Variants in XXYLT1 observed in about 807,000 individuals in gnomAD.
XXYLT1 encodes UDP-xylose:alpha-xyloside alpha-1,3-xylosyltransferase.
In XXYLT1, 20 loss-of-function variants were observed where a neutral mutation model predicts 28.9. The ratio of observed to expected loss-of-function variants is 0.69; its 90% confidence interval spans 0.49 to 1.00. The LOEUF (loss-of-function observed/expected upper bound fraction) is 1.00, where lower values mean the gene tolerates loss of function less well. Among genes scored for constraint, XXYLT1 ranks in the 50% least tolerant of loss-of-function variants. The pLI, the probability that XXYLT1 is intolerant of heterozygous loss-of-function variation, is 0.00. For missense variants in XXYLT1, 542 were observed against 560.1 expected, an observed-to-expected ratio of 0.97 and a Z score of 0.33; for synonymous variants, 257 against 253.8, an observed-to-expected ratio of 1.01 and a Z score of -0.12.
At chr3:195,075,174 C>T (rs952835846) in intron 3 of XXYLT1, among the ~76,000 whole-genome samples, 2 of 152,244 alleles carry the variant, frequency 1.3e-5, no homozygotes, top group African/African-American at 2.4e-5. Flanking sequence ...ATCGTTTGAA[C>T]CCGGGAGGCA....
chr3:195,162,096 CAAAAA>C (rs34348051), intron 2 of XXYLT1, among the ~76,000 whole-genome samples: 93 of 95,104 alleles, frequency 9.8e-4, no homozygotes, highest in African/African-American at 3.2e-3. Context: ...GGCCCTGTTT[CAAAAA>C]AAAAAAAAAA....
At chr3:195,227,267 A>C (rs891622418) in intron 1 of XXYLT1, among the ~76,000 whole-genome samples, 2 of 152,052 alleles carry the variant, frequency 1.3e-5, no homozygotes, top group African/African-American at 4.8e-5. Flanking sequence ...CATGGCTAAC[A>C]CTGCTCCAGG....
intron 3 of XXYLT1, among the ~76,000 whole-genome samples, chr3:195,098,492 G>A (rs1245251343): frequency 6.6e-6 from 1 of 152,254 alleles, no homozygotes; most frequent in Non-Finnish European, 1.5e-5. Context: ...GGCGGAGCTT[G>A]CAGTGAGCGG....
intron 2 of XXYLT1, among the ~76,000 whole-genome samples, chr3:195,182,678 G>C (rs899529615): frequency 6.6e-6 from 1 of 152,146 alleles, no homozygotes; most frequent in African/African-American, 2.4e-5. Context: ...CAAGAGTGTA[G>C]ATCTTAATAC....
intron 2 of XXYLT1, among the ~76,000 whole-genome samples, chr3:195,211,575 AAC>A (rs750389291): frequency 6.6e-6 from 1 of 152,224 alleles, no homozygotes; most frequent in Non-Finnish European, 1.5e-5. Context: ...CAGTGAATGA[AAC>A]ACACAGAACT....
intron 3 of XXYLT1, among the ~76,000 whole-genome samples, chr3:195,156,234 A>G (rs939840170): frequency 1.6e-4 from 24 of 152,262 alleles, no homozygotes; most frequent in African/African-American, 5.5e-4. Context: ...AAAGGCCACA[A>G]ACTCCAACAA....
In XXYLT1 at chr3:195,240,561, G is replaced by A. The variant is rs1724732139; in HGVS notation, c.505-13705C>T. 6.6e-6 allele frequency among the ~76,000 whole-genome samples: 1 copy of A among 152,244 alleles called. No individual in the cohort carries two copies. Among genetic ancestry groups the A allele is most frequent in the Non-Finnish European group, 1.5e-5 (1 of 68,032 alleles). On this transcript the variant is annotated intron_variant, in intron 1 of 3. Transcript: ENST00000310380. This position sits in a 1 kb window ranked among gnomAD's most constrained non-coding sequence, Gnocchi z 4.7. The stretch of plus-strand genomic sequence containing the variant: ...CGTGGCAAGGGCTGGCCCCACGCAC[G>A]GAAAGATGCCAGGTTTCCCGGAAAT...
chr3:195,186,927 C>T (rs1260782689), intron 2 of XXYLT1, among the ~76,000 whole-genome samples: 1 of 150,012 alleles, frequency 6.7e-6, no homozygotes, highest in Non-Finnish European at 1.5e-5. Flanking sequence ...CAGACTCTTG[C>T]TCTGTCACCC....
In XXYLT1 at chr3:195,129,775, C is replaced by T. The variant is rs1286470208; in HGVS notation, c.785+26674G>A. On this transcript the variant is annotated intron_variant, in intron 3 of 3. Transcript: ENST00000310380. The surrounding 1 kb of genome is among the most constrained non-coding windows in gnomAD (Gnocchi z 4.4). ...CTATTATGACTCATGCTGATACGAA[C>T]GTCCATTTGCATGTTAGTGTGTGGG... 6.6e-6 allele frequency among the ~76,000 whole-genome samples: 1 copy of T among 151,788 alleles called. No homozygotes were observed. Among genetic ancestry groups the T allele is most frequent in the African/African-American group, 2.4e-5 (1 of 41,288 alleles).
At position 195,240,683 on chromosome 3, in the gene XXYLT1, C is replaced by T. The variant is rs142154140; in HGVS notation, c.505-13827G>A. On this transcript the variant is annotated intron_variant, in intron 1 of 3. Transcript: ENST00000310380. The surrounding 1 kb of genome is among the most constrained non-coding windows in gnomAD (Gnocchi z 4.7). ...AGGGTTCACCCATCTCCTCCCCATG[C>T]GCCGCCAGAGACCATCCCCCAGCAC... Among the ~76,000 whole-genome samples the T allele has an allele frequency of 7.9e-5, 12 of 152,360 alleles. No individual in the cohort carries two copies. The highest frequency in any genetic ancestry group is 1.3e-4 in the Non-Finnish European group (9 of 68,032).
At chr3:195,259,798 C>T (rs2108852333) in intron 1 of XXYLT1, among the ~76,000 whole-genome samples, 1 of 152,366 alleles carries the variant, frequency 6.6e-6, no homozygotes, top group East Asian at 1.9e-4. Flanking sequence ...ACCCCCACCA[C>T]GCGGCTCCAA....
chr3:195,108,853 A>G (rs1000132057), intron 3 of XXYLT1, among the ~76,000 whole-genome samples: 3 of 152,216 alleles, frequency 2.0e-5, no homozygotes, highest in Admixed American at 6.5e-5. Context: ...CTCCCCCTCC[A>G]TGAAGCTAGA....
At chr3:195,149,917 C>T (rs1720098882) in intron 3 of XXYLT1, among the ~76,000 whole-genome samples, 1 of 152,188 alleles carries the variant, frequency 6.6e-6, no homozygotes, top group Non-Finnish European at 1.5e-5. Context: ...CGGGAGATAA[C>T]ATATCCAGCG....
chr3:195,228,829 C>T (rs77630327), intron 1 of XXYLT1, among the ~76,000 whole-genome samples: 7 of 136,698 alleles, frequency 5.1e-5, no homozygotes, highest in South Asian at 2.2e-4. Flanking sequence ...TTTTTTTTTT[C>T]GAGACAGAGT....
In XXYLT1 at chr3:195,180,495, C is replaced by T. The variant is rs1721895776; in HGVS notation, c.653-23914G>A. 1 of 985,504 alleles carries T rather than the reference C, an allele frequency of 1.0e-6. No individual in the cohort carries two copies. 61.0% of individuals were successfully genotyped at this position (985,504 alleles called of 1,614,324 possible). ...TCCTGTTCCTTTTTCTTTCTATGCT[C>T]CTCTTCCTGGCTCTGTAGCCCTTGA... On this transcript the variant is annotated intron_variant, in intron 2 of 3. Transcript: ENST00000310380. This position sits in a 1 kb window ranked among gnomAD's most constrained non-coding sequence, Gnocchi z 5.8.
intron 3 of XXYLT1, among the ~76,000 whole-genome samples, chr3:195,081,992 G>A (rs1051456490): frequency 3.9e-5 from 6 of 152,306 alleles, no homozygotes; most frequent in African/African-American, 7.2e-5. Flanking sequence ...AGAAGCTTCC[G>A]GGGGGCGATC....
intron 2 of XXYLT1, among the ~76,000 whole-genome samples, chr3:195,178,309 AC>A (rs554104811): frequency 3.5e-4 from 53 of 152,014 alleles, no homozygotes; most frequent in Admixed American, 1.0e-3. Flanking sequence ...ACCGCTAATC[AC>A]CATACAATCC....
intron 3 of XXYLT1, among the ~76,000 whole-genome samples, chr3:195,140,879 C>T (rs1272536245): frequency 6.6e-6 from 1 of 152,126 alleles, no homozygotes; most frequent in African/African-American, 2.4e-5. Context: ...ATATCAACGT[C>T]CTAACCTCCA....
At chr3:195,085,599 G>C (rs1715678247) in intron 3 of XXYLT1, among the ~76,000 whole-genome samples, 1 of 152,210 alleles carries the variant, frequency 6.6e-6, no homozygotes, top group Non-Finnish European at 1.5e-5. Context: ...ACAGCTCCAA[G>C]AGCCCAGTCA....
Sources: gnomAD v4.1 joint callset for allele counts (sites outside exome capture counted in the v4.1 genomes callset) on GRCh38, gnomAD v4.1.1 for gene constraint, Gnocchi (gnomAD v3.1) non-coding constraint, MANE v1.5 for transcripts, NCBI Gene and HGNC (gene_info 2026-07-23, HGNC 2026-07-21) for gene names.